NKD1: variants seen among roughly 807,000 people sequenced by gnomAD.
NKD1 encodes the protein protein naked cuticle homolog 1.
NKD1 carries 21 observed loss-of-function variants against 56.0 expected under a neutral mutation model. The observed-to-expected ratio is 0.38, with a 90% CI of 0.27 to 0.54. NKD1 has a LOEUF of 0.54. Among genes scored for constraint, NKD1 ranks in the 20% least tolerant of loss-of-function variants. NKD1 has a pLI of 0.82. For missense variants in NKD1, 578 were observed against 642.7 expected, an observed-to-expected ratio of 0.90 and a Z score of 1.09; for synonymous variants, 263 against 265.7, an observed-to-expected ratio of 0.99 and a Z score of 0.10.
intron 3 of NKD1, among the ~76,000 whole-genome samples, chr16:50,597,042 C>A (rs1355825457): frequency 6.6e-6 from 1 of 151,572 alleles, no homozygotes; most frequent in African/African-American, 2.4e-5. Flanking sequence ...TTGGGTGGGG[C>A]TTTGATGGGC....
chr16:50,593,064 G>A (rs1472277783), intron 3 of NKD1, among the ~76,000 whole-genome samples: 3 of 151,910 alleles, frequency 2.0e-5, no homozygotes, highest in South Asian at 4.1e-4. Flanking sequence ...GACTTGGAAC[G>A]AGGATGGAAC....
chr16:50,622,389 G>C (rs1962112855), intron 5 of NKD1, among the ~76,000 whole-genome samples: 1 of 151,668 alleles, frequency 6.6e-6, no homozygotes, highest in African/African-American at 2.4e-5. Context: ...GCCTGATAGT[G>C]TAGCACGCTC....
chr16:50,609,277 A>G (rs564835892), intron 4 of NKD1, among the ~76,000 whole-genome samples: 5 of 152,274 alleles, frequency 3.3e-5, no homozygotes, highest in Admixed American at 6.5e-5. Context: ...TAGAATGGGA[A>G]CAAGGGCCTT....
intron 6 of NKD1, among the ~76,000 whole-genome samples, chr16:50,627,083 T>G (rs1962235620): frequency 6.6e-6 from 1 of 152,202 alleles, no homozygotes; most frequent in South Asian, 2.1e-4. Flanking sequence ...GAGGAAGTTG[T>G]GACTTTTAAG....
At chr16:50,604,208 C>G (rs1374216578) in intron 3 of NKD1, among the ~76,000 whole-genome samples, 2 of 152,248 alleles carry the variant, frequency 1.3e-5, no homozygotes, top group Admixed American at 1.3e-4. Context: ...CTGGCACTTA[C>G]TAGCTGTGTG....
Position 50,548,407 on chromosome 16 carries a change from G to A in NKD1, c.-147G>A. Reference sequence around the variant, plus strand: ...CGCTCCCGGGCGTCAGTCGGGCCGCGGCGACGGCGGCAGGAGCGCGTCCCG... The same window carrying A: ...CGCTCCCGGGCGTCAGTCGGGCCGCAGCGACGGCGGCAGGAGCGCGTCCCG... On this transcript the variant is annotated 5_prime_UTR_variant, in exon 1 of 10. Transcript: ENST00000268459. The A allele has an allele frequency of 8.6e-6, 3 of 348,610 alleles. No homozygotes were observed. The highest frequency in any genetic ancestry group is 1.2e-4 in the South Asian group (1 of 8,184). The allele number at this position is 348,610 out of a possible 1,614,324, so 21.6% of individuals were successfully genotyped here. A position where few individuals can be genotyped will look rare whatever the true frequency, so the allele number is the denominator to read the frequency against.
intron 3 of NKD1, among the ~76,000 whole-genome samples, chr16:50,569,947 C>T (rs890259569): frequency 7.9e-5 from 12 of 152,230 alleles, no homozygotes; most frequent in East Asian, 5.8e-4. Context: ...TGGAGCCGGG[C>T]GGGCACTGCC....
chr16:50,557,664 T>TA (rs1960532979), intron 3 of NKD1: 1 of 152,274 alleles, frequency 6.6e-6, no homozygotes, highest in Non-Finnish European at 1.5e-5. Flanking sequence ...CTGGATTTCC[T>TA]AGTGCAACCT....
rs1223385121 is a variant in NKD1, at chr16:50,621,669, C to A, written c.327C>A (p.Ser109Arg). The A allele has an allele frequency of 2.5e-6, 4 of 1,613,800 alleles. No homozygotes were observed. The highest frequency in any genetic ancestry group is 3.4e-6 in the Non-Finnish European group (4 of 1,179,918). ...SGDEKKMERV[S>R]EPCPGSKKQL... ...ATGAGAAGAAGATGGAGAGAGTGAG[C>A]GAACCCTGCCCAGGCTCCAAGAAGC... The change falls in exon 5 of 10, where the codon AGC becomes AGA. Residue 109 changes from serine (S) to arginine (R), a missense_variant. By Grantham distance (110) the Ser-to-Arg change is moderately radical. Coordinates refer to ENST00000268459, the MANE Select transcript of NKD1 (RefSeq NM_033119.5).
chr16:50,565,196 A>C (rs1449136565), intron 3 of NKD1, among the ~76,000 whole-genome samples: 4 of 151,556 alleles, frequency 2.6e-5, no homozygotes, highest in Admixed American at 6.6e-5. Context: ...TAACATGGTG[A>C]AACCCCGTGT....
At position 50,638,007 on chromosome 16, in the gene NKD1, AT is replaced by A. The variant is rs930311702; in HGVS notation, c.*4228del. On this transcript the variant is annotated 3_prime_UTR_variant, in exon 10 of 10. Transcript: ENST00000268459. Reference sequence around the variant, plus strand: ...TTGCACTTCACATCCAGCCATGCTAATTACACTTTTTGGCAAAGGAAACAGC... The same window carrying A: ...TTGCACTTCACATCCAGCCATGCTAATACACTTTTTGGCAAAGGAAACAGC... 1 of 152,170 alleles carries A rather than the reference AT, an allele frequency of 6.6e-6. No individual in the cohort carries two copies. Among genetic ancestry groups the A allele is most frequent in the African/African-American group, 2.4e-5 (1 of 41,422 alleles). The allele number at this position is 152,170 out of a possible 1,614,324, so 9.4% of individuals were successfully genotyped here.
In NKD1 at chr16:50,623,810, G is replaced by A. The variant is rs1468514539; in HGVS notation, c.367-1675G>A. 6.6e-6 allele frequency among the ~76,000 whole-genome samples: 1 copy of A among 151,434 alleles called. No homozygotes were observed. Among genetic ancestry groups the A allele is most frequent in the East Asian group, 1.9e-4 (1 of 5,172 alleles). ...GATGTGCACGTATAGGGGTATACCT[G>A]TGTAGGTATGCGTGTGTGTAGGTAC... On this transcript the variant is annotated intron_variant, in intron 5 of 9. Transcript: ENST00000268459. The surrounding 1 kb of genome is among the most constrained non-coding windows in gnomAD (Gnocchi z 4.1).
intron 3 of NKD1, among the ~76,000 whole-genome samples, chr16:50,565,639 T>C (rs1053494172): frequency 2.6e-5 from 4 of 152,024 alleles, no homozygotes; most frequent in African/African-American, 7.3e-5. Context: ...CAGTGAGCCA[T>C]GTTTGCACCA....
chr16:50,578,004 ACT>A (rs1404994551), intron 3 of NKD1, among the ~76,000 whole-genome samples: 2 of 151,758 alleles, frequency 1.3e-5, no homozygotes, highest in African/African-American at 2.4e-5. Context: ...AGCTGGGGCA[ACT>A]CTGGTTGTTG....
At position 50,645,330 on chromosome 16, in the gene NKD1, T is replaced by C. The variant is rs1446943842; in HGVS notation, c.*11549T>C. On this transcript the variant is annotated 3_prime_UTR_variant, in exon 10 of 10. Transcript: ENST00000268459. ...TGGAGATGGGGGACTGCAGAGGGAC[T>C]CTCCAGGAAGCCACATTTAGGGGGT... The C allele has an allele frequency of 1.3e-5, 2 of 152,042 alleles. No homozygotes were observed. The highest frequency in any genetic ancestry group is 2.4e-5 in the African/African-American group (1 of 41,354). 9.4% of individuals were successfully genotyped at this position (152,042 alleles called of 1,614,324 possible). A position where few individuals can be genotyped will look rare whatever the true frequency, so the allele number is the denominator to read the frequency against.
At chr16:50,608,438 T>G (rs1484143715) in intron 4 of NKD1, 78 bp downstream of exon 4, 3 of 1,041,434 alleles carry the variant, frequency 2.9e-6, no homozygotes, top group Non-Finnish European at 4.5e-6. Flanking sequence ...GTGCCCTGTG[T>G]ACTCCAGAAA....
rs116022049 is a variant in NKD1 at position 50,594,975 on chromosome 16, G to A, written c.193-13319G>A. ...GAAGTCCACGCAGCATTCCCCAAAC[G>A]TCCTGGGCCCCCATGCCTGGACCCA... On this transcript the variant is annotated intron_variant, in intron 3 of 9. Transcript: ENST00000268459. 5.1e-3 allele frequency among the ~76,000 whole-genome samples: 776 copies of A among 152,304 alleles called. 6 individuals are homozygous for A. The highest frequency in any genetic ancestry group is 0.018 in the African/African-American group (745 of 41,554).
chr16:50,562,617 G>C lies in NKD1; in HGVS notation c.192+13062G>C, dbSNP rs955768683. On this transcript the variant is annotated intron_variant, in intron 3 of 9. Coordinates refer to ENST00000268459, the MANE Select transcript of NKD1 (RefSeq NM_033119.5). ...ATGCGGCCGAGGACCACCTACATCT[G>C]AATCTCTTGGGTGCTATTCAAAATG... Among the ~76,000 whole-genome samples the C allele has an allele frequency of 3.3e-5, 5 of 152,150 alleles. No homozygotes were observed. The South Asian group carries it at 8.3e-4, about 25-fold the overall frequency.
Position 50,622,042 on chromosome 16 carries a change from T to C in NKD1, c.366+334T>C, listed in dbSNP as rs534723063. The stretch of plus-strand genomic sequence containing the variant: ...CCTCTCTGGGCCTCAGTTTCCTCGG[T>C]GAAACCTTCCCTTCCAACTCTTGAG... On this transcript the variant is annotated intron_variant, in intron 5 of 9. Coordinates refer to ENST00000268459, the MANE Select transcript of NKD1 (RefSeq NM_033119.5). 2.6e-5 allele frequency among the ~76,000 whole-genome samples: 4 copies of C among 152,240 alleles called. No individual in the cohort carries two copies. In the East Asian group the frequency reaches 5.8e-4, roughly 22 times the overall value.
Sources: allele counts gnomAD v4.1 joint callset (sites outside exome capture counted in the v4.1 genomes callset), GRCh38; gene constraint gnomAD v4.1.1; non-coding constraint Gnocchi (gnomAD v3.1); transcripts MANE v1.5; gene names NCBI Gene and HGNC (gene_info 2026-07-23, HGNC 2026-07-21).